Variants in RHBDD1 observed in about 807,000 individuals in gnomAD.
The protein encoded by RHBDD1 is rhomboid domain containing 1.
In RHBDD1, 38 loss-of-function variants were observed where a neutral mutation model predicts 36.3. The observed-to-expected ratio is 1.05, with a 90% confidence interval of 0.81 to 1.37. The LOEUF (loss-of-function observed/expected upper bound fraction) is 1.37. Ranked by LOEUF, RHBDD1 falls within the 40% of genes most tolerant of loss-of-function variation. RHBDD1 has a pLI of 0.00. For synonymous variants in RHBDD1, 151 were observed against 136.5 expected (o/e 1.11, Z -0.74); for missense variants, 393 against 377.6 (o/e 1.04, Z -0.34).
At chr2:226,820,278 C>T in the RHBDD1 span, among the ~76,000 whole-genome samples, 1 of 152,096 alleles carries the variant, frequency 6.6e-6, no homozygotes, top group Non-Finnish European at 1.5e-5. Flanking sequence ...CAAACAGTAT[C>T]TCCACAGGAC....
At chr2:226,956,081 A>T (rs1365860444) in intron 8 of RHBDD1, among the ~76,000 whole-genome samples, 1 of 152,192 alleles carries the variant, frequency 6.6e-6, no homozygotes, top group Non-Finnish European at 1.5e-5. Flanking sequence ...AGATGAAATG[A>T]GTTGCACAGA....
intron 8 of RHBDD1, among the ~76,000 whole-genome samples, chr2:226,915,631 T>C (rs1948846352): frequency 6.6e-6 from 1 of 152,138 alleles, no homozygotes; most frequent in Non-Finnish European, 1.5e-5. Context: ...TTTCTGACTT[T>C]AAGGAATATA....
At chr2:226,860,101 G>T (rs1393171240) in intron 3 of RHBDD1, among the ~76,000 whole-genome samples, 2 of 152,190 alleles carry the variant, frequency 1.3e-5, no homozygotes, top group Non-Finnish European at 2.9e-5. Context: ...GACATGTCAA[G>T]GATCTTTCTA....
At chr2:226,907,229 A>G (rs1037220433) in intron 6 of RHBDD1, among the ~76,000 whole-genome samples, 1 of 152,232 alleles carries the variant, frequency 6.6e-6, no homozygotes, top group Non-Finnish European at 1.5e-5. Flanking sequence ...TAGTCCATGA[A>G]TTAATATACG....
At chr2:226,994,038 A>G (rs868180820) in intron 8 of RHBDD1, among the ~76,000 whole-genome samples, 2 of 152,202 alleles carry the variant, frequency 1.3e-5, no homozygotes, top group South Asian at 4.1e-4. Context: ...GGGTTCTGCA[A>G]ATGGGTCCAA....
At chr2:226,912,138 T>G (rs961500351) in intron 7 of RHBDD1, among the ~76,000 whole-genome samples, 6 of 152,122 alleles carry the variant, frequency 3.9e-5, no homozygotes, top group African/African-American at 1.4e-4. Flanking sequence ...TTATTAGTCA[T>G]CAAAACCACA....
At position 226,997,805 on chromosome 2, in the gene RHBDD1, A is replaced by G. The variant is rs1040183353; in HGVS notation, c.*2283A>G. On this transcript the variant is annotated 3_prime_UTR_variant, in exon 9 of 9. Transcript: ENST00000392062. The stretch of plus-strand genomic sequence containing the variant: ...TCATTTTAGTTATAAATGTAAACCA[A>G]TTACTTTAGCACAACAATAAAGATG... The G allele has an allele frequency of 6.6e-6, 1 of 152,186 alleles. No homozygotes were observed. The highest frequency in any genetic ancestry group is 6.5e-5 in the Admixed American group (1 of 15,270). 9.4% of individuals were successfully genotyped at this position (152,186 alleles called of 1,614,324 possible).
chr2:226,832,587 G>C (rs1389883463), upstream of RHBDD1, among the ~76,000 whole-genome samples: 2 of 152,108 alleles, frequency 1.3e-5, no homozygotes, highest in African/African-American at 4.8e-5. Context: ...ACTGTTGTTT[G>C]TATATTTCTC....
chr2:226,873,555 A>G (rs182917180), intron 5 of RHBDD1, among the ~76,000 whole-genome samples: 32 of 152,322 alleles, frequency 2.1e-4, no homozygotes, highest in African/African-American at 6.0e-4. Context: ...GCAAAGCTGC[A>G]TGTTTCTGTT....
At chr2:226,802,126 C>A in the RHBDD1 span, among the ~76,000 whole-genome samples, 1 of 152,034 alleles carries the variant, frequency 6.6e-6, no homozygotes, top group Non-Finnish European at 1.5e-5. Flanking sequence ...TTGCACGTAC[C>A]TCACAATTAT....
chr2:226,882,633 A>G (rs1027573786), intron 5 of RHBDD1, among the ~76,000 whole-genome samples: 10 of 151,238 alleles, frequency 6.6e-5, no homozygotes, highest in African/African-American at 2.2e-4. Flanking sequence ...CGAACCTCAC[A>G]CCTAATTTTA....
At chr2:226,834,794 T>C (rs1408332118), upstream of RHBDD1, among the ~76,000 whole-genome samples, 1 of 152,138 alleles carries the variant, frequency 6.6e-6, no homozygotes, top group Non-Finnish European at 1.5e-5. Flanking sequence ...AAGATTTTTT[T>C]TTTTTGAGAT....
At chr2:226,835,817 G>A (rs1030464131), upstream of RHBDD1, 9 of 152,338 alleles carry the variant, frequency 5.9e-5, no homozygotes, top group African/African-American at 1.9e-4. Context: ...AGAGGACAGG[G>A]CGAGGGTCCA....
At chr2:226,891,378 G>T (rs1438853945) in intron 5 of RHBDD1, among the ~76,000 whole-genome samples, 2 of 152,216 alleles carry the variant, frequency 1.3e-5, no homozygotes, top group Non-Finnish European at 2.9e-5. Context: ...CAGCAAAGAA[G>T]AGTCTGCTAG....
Position 226,867,389 on chromosome 2 carries a change from A to G in RHBDD1, c.566+71A>G, listed in dbSNP as rs546764885. The G allele has an allele frequency of 2.4e-5, 36 of 1,476,676 alleles. 1 individual carries two copies. The African/African-American group carries it at 4.7e-4, about 19-fold the overall frequency. The allele number at this position is 1,476,676 out of a possible 1,614,324, so 91.5% of individuals were successfully genotyped here. ...TGTGGAGAAAAAAATTGCAATAATAATGAGGTAACCAATTGTTTTTCACAG... is the reference window on the plus strand; with the variant it reads ...TGTGGAGAAAAAAATTGCAATAATAGTGAGGTAACCAATTGTTTTTCACAG... On this transcript the variant is annotated intron_variant, in intron 5 of 8. Coordinates refer to ENST00000392062, the MANE Select transcript of RHBDD1 (RefSeq NM_001167608.3).
intron 3 of RHBDD1, among the ~76,000 whole-genome samples, chr2:226,860,214 G>A (rs1020921363): frequency 7.9e-5 from 12 of 152,154 alleles, no homozygotes; most frequent in Admixed American, 1.3e-4. Context: ...TGTTCAGCTT[G>A]GGGCATGTTG....
chr2:226,971,574 A>G (rs936726726), intron 8 of RHBDD1, among the ~76,000 whole-genome samples: 9 of 152,250 alleles, frequency 5.9e-5, no homozygotes, highest in African/African-American at 1.9e-4. Flanking sequence ...CTTTCAGGTC[A>G]TAATCCATTC....
At chr2:226,909,886 T>C (rs913880328) in intron 7 of RHBDD1, among the ~76,000 whole-genome samples, 1 of 152,232 alleles carries the variant, frequency 6.6e-6, no homozygotes, top group Non-Finnish European at 1.5e-5. Flanking sequence ...AGGACCACTA[T>C]AGCTTAAAGC....
chr2:226,862,807 C>T (rs1943975143), intron 3 of RHBDD1, among the ~76,000 whole-genome samples: 1 of 152,188 alleles, frequency 6.6e-6, no homozygotes, highest in African/African-American at 2.4e-5. Context: ...GTGGGGGCCT[C>T]AGGCCATTTC....
Sources: gnomAD v4.1 joint callset for allele counts (sites outside exome capture counted in the v4.1 genomes callset) on GRCh38, gnomAD v4.1.1 for gene constraint, MANE v1.5 for transcripts, NCBI Gene and HGNC (gene_info 2026-07-23, HGNC 2026-07-21) for gene names.